SCN8A: variants seen among roughly 807,000 people sequenced by gnomAD.
SCN8A encodes the protein sodium voltage-gated channel alpha subunit 8.
In SCN8A, 30 loss-of-function variants were observed where a neutral mutation model predicts 184.1. The observed-to-expected ratio is 0.16, with a 90% CI of 0.12 to 0.22. The LOEUF (loss-of-function observed/expected upper bound fraction) is 0.22, where lower values mean the gene tolerates loss of function less well. Among genes scored for constraint, SCN8A ranks in the 10% least tolerant of loss-of-function variants. The pLI is 1.00. For missense variants in SCN8A, 1,057 were observed against 2,498.9 expected (o/e 0.42, Z 12.30); for synonymous variants, 852 against 907.0 (o/e 0.94, Z 1.09).
At chr12:51,689,154 GT>G in intron 6 of SCN8A, 58 bp downstream of exon 6, 3 of 1,273,978 alleles carry the variant, frequency 2.4e-6, no homozygotes. Context: ...TCCTCCATTC[GT>G]TTTGTCCACC....
At chr12:51,622,847 T>C (rs1939993659) in intron 1 of SCN8A, among the ~76,000 whole-genome samples, 1 of 152,222 alleles carries the variant, frequency 6.6e-6, no homozygotes, top group African/African-American at 2.4e-5. Context: ...CTGGAATTCT[T>C]CTGCAAAGGA....
intron 14 of SCN8A, among the ~76,000 whole-genome samples, chr12:51,752,123 C>T (rs1942604987): frequency 6.6e-6 from 1 of 152,008 alleles, no homozygotes; most frequent in Admixed American, 6.6e-5. Flanking sequence ...ACTTCTAGGC[C>T]ATTAAAGTAT....
At chr12:51,795,880 GAA>G (rs59764704) in intron 26 of SCN8A, among the ~76,000 whole-genome samples, 1,492 of 124,108 alleles carry the variant, frequency 0.012, 20 homozygotes, top group African/African-American at 0.038. Flanking sequence ...CTCTATCTCT[GAA>G]AAAAAAAAAA....
intron 6 of SCN8A, among the ~76,000 whole-genome samples, chr12:51,698,537 G>A (rs1382143525): frequency 6.6e-6 from 1 of 152,138 alleles, no homozygotes; most frequent in African/African-American, 2.4e-5. Flanking sequence ...ATCTGGGCAC[G>A]TAAAGACTCA....
chr12:51,741,442 T>C (rs762594689), intron 12 of SCN8A, among the ~76,000 whole-genome samples: 2 of 152,094 alleles, frequency 1.3e-5, no homozygotes, highest in African/African-American at 2.4e-5. Context: ...TATTGGAGAG[T>C]TTAGTTTATT....
At chr12:51,703,124 T>TA (rs1941720160) in intron 9 of SCN8A, among the ~76,000 whole-genome samples, 1 of 152,248 alleles carries the variant, frequency 6.6e-6, no homozygotes, top group Admixed American at 6.5e-5. Flanking sequence ...TGTAGACTCT[T>TA]ACAGCCTTGA....
chr12:51,721,390 T>G (rs1436338070), intron 11 of SCN8A, among the ~76,000 whole-genome samples, 156 bp from the exon 12 acceptor site: 1 of 151,958 alleles, frequency 6.6e-6, no homozygotes, highest in Non-Finnish European at 1.5e-5. Flanking sequence ...ACTGTAGCAG[T>G]CAACATGCAG....
At chr12:51,640,964 T>C (rs1940439331) in intron 1 of SCN8A, among the ~76,000 whole-genome samples, 1 of 152,224 alleles carries the variant, frequency 6.6e-6, no homozygotes, top group South Asian at 2.1e-4. Context: ...GAGAGATAAC[T>C]TTGAATGTCT....
At chr12:51,657,638 C>T (rs910935513) in intron 1 of SCN8A, among the ~76,000 whole-genome samples, 1 of 151,980 alleles carries the variant, frequency 6.6e-6, no homozygotes, top group African/African-American at 2.4e-5. Context: ...TGATATAATC[C>T]CATTTGTCTA....
chr12:51,643,627 C>G (rs577949624), intron 1 of SCN8A, among the ~76,000 whole-genome samples: 2 of 152,266 alleles, frequency 1.3e-5, no homozygotes, highest in East Asian at 1.9e-4. Flanking sequence ...TAGAGCCATC[C>G]TTATACTCTG....
At chr12:51,666,612 A>G (rs1941038297) in intron 2 of SCN8A, among the ~76,000 whole-genome samples, 1 of 152,216 alleles carries the variant, frequency 6.6e-6, no homozygotes, top group African/African-American at 2.4e-5. Context: ...AAATGATACC[A>G]GTGGAATCCT....
rs1170128241 is a variant in SCN8A, at chr12:51,721,810, C to T, written c.1900C>T (p.Arg634Trp). 2 of 1,608,228 alleles carry T rather than the reference C, an allele frequency of 1.2e-6. No homozygotes were observed. Among genetic ancestry groups the T allele is most frequent in the Non-Finnish European group, 8.5e-7 (1 of 1,179,446 alleles). The change falls in exon 12 of 27, where the codon CGG becomes TGG. Residue 634 changes from arginine to tryptophan, a missense_variant. Arg to Trp is a moderately radical substitution (Grantham distance 101). Coordinates refer to ENST00000627620, the MANE Select transcript of SCN8A (RefSeq NM_001330260.2). ...SRSSRIFPSL[R>W]RSVKRNSTVD... ...CTCCTCGCGCATCTTCCCCAGCCTG[C>T]GGCGCAGCGTGAAGCGCAACAGCAC...
rs1938917126 is a variant in SCN8A at position 51,811,980 on chromosome 12, CA to C, written c.*4553del. ...TCCCCACCCCCTAAAGAATTGGCTG[CA>C]ACTTGCCAGCCAGGGGGACATCAGG... is the stretch of plus-strand genomic sequence containing the variant. On this transcript the variant is annotated 3_prime_UTR_variant, in exon 27 of 27. Coordinates refer to ENST00000627620, the MANE Select transcript of SCN8A (RefSeq NM_001330260.2). 1 of 152,172 alleles carries C rather than the reference CA, an allele frequency of 6.6e-6. No homozygotes were observed. Among genetic ancestry groups the C allele is most frequent in the Non-Finnish European group, 1.5e-5 (1 of 68,058 alleles). The allele number at this position is 152,172 out of a possible 1,614,324, so 9.4% of individuals were successfully genotyped here. A position where few individuals can be genotyped will look rare whatever the true frequency, so the allele number is the denominator to read the frequency against.
chr12:51,642,935 G>A (rs571617003), intron 1 of SCN8A, among the ~76,000 whole-genome samples: 1 of 152,140 alleles, frequency 6.6e-6, no homozygotes, highest in East Asian at 1.9e-4. Context: ...AGAGCAAAAA[G>A]CACACAAGCC....
chr12:51,656,311 A>G (rs756106497), intron 1 of SCN8A, among the ~76,000 whole-genome samples: 2 of 152,252 alleles, frequency 1.3e-5, no homozygotes, highest in Admixed American at 6.5e-5. Context: ...AAATCAGTTC[A>G]TATGGTTTTC....
At chr12:51,642,455 A>G (rs1433326564) in intron 1 of SCN8A, among the ~76,000 whole-genome samples, 2 of 152,222 alleles carry the variant, frequency 1.3e-5, no homozygotes, top group East Asian at 1.9e-4. Context: ...TTGTAGCCTC[A>G]GCAACTGTTT....
At chr12:51,595,436 G>C (rs1939325760) in intron 1 of SCN8A, among the ~76,000 whole-genome samples, 1 of 152,192 alleles carries the variant, frequency 6.6e-6, no homozygotes, top group Admixed American at 6.5e-5. Context: ...CTATGTTAGA[G>C]ATTAAGGTGA....
chr12:51,651,322 G>C (rs570047015), intron 1 of SCN8A, among the ~76,000 whole-genome samples: 1 of 152,180 alleles, frequency 6.6e-6, no homozygotes, highest in South Asian at 2.1e-4. Context: ...TCCTGCCTCA[G>C]CTTCCTGAGT....
intron 14 of SCN8A, among the ~76,000 whole-genome samples, chr12:51,760,151 C>T (rs1443487810): frequency 2.0e-5 from 3 of 152,296 alleles, no homozygotes; most frequent in African/African-American, 7.2e-5. Context: ...CCATAGCAGA[C>T]ACTTATATAT....
Sources: gnomAD v4.1 joint callset for allele counts (sites outside exome capture counted in the v4.1 genomes callset) on GRCh38, gnomAD v4.1.1 for gene constraint, MANE v1.5 for transcripts, NCBI Gene and HGNC (gene_info 2026-07-23, HGNC 2026-07-21) for gene names.